Variants in RECK observed in about 807,000 individuals in gnomAD.
RECK encodes the protein reversion-inducing cysteine-rich protein with Kazal motifs.
In RECK, 69 loss-of-function variants were observed where a neutral mutation model predicts 115.1. The observed-to-expected ratio is 0.60, with a 90% confidence interval of 0.49 to 0.73. RECK has a LOEUF of 0.73. RECK is among the 30% of genes least tolerant of loss of function. RECK has a pLI of 0.00. For synonymous variants in RECK, 414 were observed against 419.7 expected (o/e 0.99, Z 0.17); for missense variants, 1,047 against 1,203.7 (o/e 0.87, Z 1.93).
chr9:36,099,637 TTTTG>T (rs1212080596), intron 10 of RECK, among the ~76,000 whole-genome samples: 13 of 152,006 alleles, frequency 8.6e-5, no homozygotes, highest in Admixed American at 7.9e-4. Flanking sequence ...GCCACAATTT[TTTTG>T]TTTGTTTGTT....
At chr9:36,119,016 T>C in intron 18 of RECK, 49 bp downstream of exon 18, 1 of 1,550,238 alleles carries the variant, frequency 6.5e-7, no homozygotes, top group Non-Finnish European at 8.9e-7. Flanking sequence ...GAAGATTTGC[T>C]TATCCACCTC....
At chr9:36,063,007 C>T (rs1426320092) in intron 4 of RECK, among the ~76,000 whole-genome samples, 3 of 151,842 alleles carry the variant, frequency 2.0e-5, no homozygotes, top group East Asian at 1.9e-4. Context: ...TGGTGGCAGA[C>T]GCCTGTAGTC....
At chr9:36,118,488 T>C (rs1272344700) in intron 17 of RECK, among the ~76,000 whole-genome samples, 1 of 152,182 alleles carries the variant, frequency 6.6e-6, no homozygotes, top group Non-Finnish European at 1.5e-5. Context: ...AAGAAGATTT[T>C]TATCTCTTAT....
chr9:36,109,477 T>G (rs1039952289), intron 14 of RECK, among the ~76,000 whole-genome samples: 2 of 152,178 alleles, frequency 1.3e-5, no homozygotes, highest in Non-Finnish European at 2.9e-5. Flanking sequence ...CTTGGAGGAA[T>G]ACGATAGGAG....
chr9:36,083,705 GAAT>G, intron 8 of RECK, 143 bp downstream of exon 8: 1 of 911,834 alleles, frequency 1.1e-6, no homozygotes, highest in East Asian at 2.7e-5. Flanking sequence ...TTGGCAGATT[GAAT>G]AATATTGTCA....
intron 6 of RECK, among the ~76,000 whole-genome samples, chr9:36,074,079 C>T (rs922859008): frequency 2.0e-5 from 3 of 152,178 alleles, no homozygotes; most frequent in African/African-American, 7.2e-5. Flanking sequence ...CTCTATTGAA[C>T]TAGAGTAACC....
In RECK at chr9:36,105,158, G is replaced by A. The variant is rs748021333; in HGVS notation, c.1451G>A (p.Gly484Asp). 5 of 1,613,596 alleles carry A rather than the reference G, an allele frequency of 3.1e-6. No homozygotes were observed. The African/African-American group carries it at 4.0e-5, about 13-fold the overall frequency. ...LDTYLRPSTLGNIVEEVTHPC... is the reference protein window; with the variant it reads ...LDTYLRPSTLDNIVEEVTHPC... Reference sequence around the variant, plus strand: ...GTTTTTTCAGGGCCAAGTACTTTAGGTAACATTGTAGAAGAAGTGACTCAT... The same window carrying A: ...GTTTTTTCAGGGCCAAGTACTTTAGATAACATTGTAGAAGAAGTGACTCAT... Residue 484 changes from glycine (G) to aspartate (D), a missense_variant, in exon 13 of 21, where the codon GGT becomes GAT. Coordinates refer to ENST00000377966, the MANE Select transcript of RECK (RefSeq NM_021111.3).
Position 36,123,330 on chromosome 9 carries a change from T to C in RECK, c.*285T>C. ...TTTCCTCACCATAAGGGTCCCCCAC[T>C]CTAAAGCAAATTTATCGCTGGGAAA... On this transcript the variant is annotated 3_prime_UTR_variant, in exon 21 of 21. Transcript: ENST00000377966. 3.2e-6 allele frequency: 1 copy of C among 309,358 alleles called. No homozygotes were observed. Among genetic ancestry groups the C allele is most frequent in the South Asian group, 7.8e-5 (1 of 12,764 alleles). The allele number at this position is 309,358 out of a possible 1,614,324, so 19.2% of individuals were successfully genotyped here. A position where few individuals can be genotyped will look rare whatever the true frequency, so the allele number is the denominator to read the frequency against.
intron 5 of RECK, among the ~76,000 whole-genome samples, chr9:36,065,072 C>A (rs1410666662): frequency 6.6e-6 from 1 of 151,932 alleles, no homozygotes; most frequent in Non-Finnish European, 1.5e-5. Context: ...TGTTAAATGC[C>A]TGGCATAGTA....
Position 36,123,214 on chromosome 9 carries a change from T to G in RECK, c.*169T>G, listed in dbSNP as rs1824528471. On this transcript the variant is annotated 3_prime_UTR_variant, in exon 21 of 21. Transcript: ENST00000377966. ...TCCGCCAATATTAGTAGGATTTTTG[T>G]TTTGTTTTTACAAATGTTAAAATGT... is the stretch of plus-strand genomic sequence containing the variant. 8.9e-6 allele frequency: 5 copies of G among 560,640 alleles called. No individual in the cohort carries two copies. Among genetic ancestry groups the G allele is most frequent in the Non-Finnish European group, 1.6e-5 (5 of 320,454 alleles). The allele number at this position is 560,640 out of a possible 1,614,324, so 34.7% of individuals were successfully genotyped here.
At chr9:36,047,510 G>C (rs1821110423) in intron 1 of RECK, among the ~76,000 whole-genome samples, 1 of 152,068 alleles carries the variant, frequency 6.6e-6, no homozygotes, top group Non-Finnish European at 1.5e-5. Context: ...TACTTGGGAG[G>C]CTGAAGCACA....
chr9:36,072,007 T>C (rs1049379711), intron 6 of RECK, among the ~76,000 whole-genome samples: 1 of 152,190 alleles, frequency 6.6e-6, no homozygotes, highest in Admixed American at 6.5e-5. Context: ...TTACTAGAGA[T>C]ATTTGAGATA....
chr9:36,108,246 C>A, intron 14 of RECK, 82 bp downstream of exon 14: 3 of 1,051,416 alleles, frequency 2.9e-6, no homozygotes, highest in South Asian at 1.7e-5. Flanking sequence ...TAGATTCTGA[C>A]CACAGAGTAA....
In RECK at chr9:36,052,168, T is replaced by C. The variant is rs535876977; in HGVS notation, c.101-97T>C. The C allele has an allele frequency of 4.6e-4, 332 of 723,132 alleles. 1 individual carries two copies. The highest frequency in any genetic ancestry group is 4.3e-3 in the South Asian group (281 of 65,112). 44.8% of individuals were successfully genotyped at this position (723,132 alleles called of 1,614,324 possible). ...TTAAAATTAATAATAATAATAATCA[T>C]CATCTACTGAATAAATGGTTTGTGT... is the stretch of plus-strand genomic sequence containing the variant. On this transcript the variant is annotated intron_variant, in intron 1 of 20. Coordinates refer to ENST00000377966, the MANE Select transcript of RECK (RefSeq NM_021111.3).
At chr9:36,082,351 T>C (rs1177540958) in intron 7 of RECK, among the ~76,000 whole-genome samples, 56 of 152,134 alleles carry the variant, frequency 3.7e-4, no homozygotes, top group Admixed American at 3.7e-3. Context: ...ACCCAGCTAA[T>C]TTTTGTATTT....
In RECK at chr9:36,058,820, C is replaced by G; in HGVS notation, c.160-7C>G. ...GCCACAAAAACTTTTTTTTTTTTGT[C>G]AAATAGATTTTCTCCTCAAAAAGTG... On this transcript the variant is annotated splice_polypyrimidine_tract_variant and splice_region_variant and intron_variant, in intron 2 of 20. Coordinates refer to ENST00000377966, the MANE Select transcript of RECK (RefSeq NM_021111.3). 2 of 1,506,378 alleles carry G rather than the reference C, an allele frequency of 1.3e-6. No individual in the cohort carries two copies. The highest frequency in any genetic ancestry group is 8.8e-7 in the Non-Finnish European group (1 of 1,131,308). The allele number at this position is 1,506,378 out of a possible 1,614,324, so 93.3% of individuals were successfully genotyped here. A position where few individuals can be genotyped will look rare whatever the true frequency, so the allele number is the denominator to read the frequency against.
chr9:36,100,569 C>G (rs763031436), intron 11 of RECK, 26 bp downstream of exon 11: 9 of 1,562,604 alleles, frequency 5.8e-6, no homozygotes, highest in Non-Finnish European at 7.9e-6. Flanking sequence ...CCTAACGATT[C>G]TCCAGCTTTA....
intron 18 of RECK, among the ~76,000 whole-genome samples, 190 bp downstream of exon 18, chr9:36,119,157 G>A (rs1824371357): frequency 6.6e-6 from 1 of 152,152 alleles, no homozygotes; most frequent in Non-Finnish European, 1.5e-5. Context: ...ATATCATCTG[G>A]TGTCCTGCTA....
At chr9:36,057,097 G>C in intron 2 of RECK, 1 of 839,512 alleles carries the variant, frequency 1.2e-6, no homozygotes, top group South Asian at 5.4e-5. Context: ...GTCCTATTTG[G>C]AAGTGAGCCA....
Sources: allele counts gnomAD v4.1 joint callset (sites outside exome capture counted in the v4.1 genomes callset), GRCh38; gene constraint gnomAD v4.1.1; transcripts MANE v1.5; gene names NCBI Gene and HGNC (gene_info 2026-07-23, HGNC 2026-07-21).